The following MAF variants were observed in gnomAD, a reference collection of about 807,000 sequenced individuals.
MAF encodes the protein transcription factor Maf.
In MAF, 10 loss-of-function variants were observed where a neutral mutation model predicts 22.0. The ratio of observed to expected loss-of-function variants is 0.45; its 90% CI spans 0.28 to 0.77. The LOEUF (loss-of-function observed/expected upper bound fraction) is 0.77. Ranked by LOEUF, MAF falls within the 30% of genes least tolerant of loss-of-function variation. MAF has a pLI of 0.12. For missense variants in MAF, 544 were observed against 548.4 expected, an observed-to-expected ratio of 0.99 and a Z score of 0.08; for synonymous variants, 337 against 255.8, an observed-to-expected ratio of 1.32 and a Z score of -3.03.
chr16:79,262,149 G>A, the MAF span, among the ~76,000 whole-genome samples: 1 of 152,156 alleles, frequency 6.6e-6, no homozygotes, highest in African/African-American at 2.4e-5. Context: ...TACATATGTT[G>A]TCTGAGGTCA....
At chr16:79,535,984 A>C in the MAF span, among the ~76,000 whole-genome samples, 1 of 152,156 alleles carries the variant, frequency 6.6e-6, no homozygotes, top group Non-Finnish European at 1.5e-5. Flanking sequence ...TTTCTCCCAC[A>C]GTTGGCAGTA....
At chr16:79,533,970 T>C in the MAF span, among the ~76,000 whole-genome samples, 1 of 152,200 alleles carries the variant, frequency 6.6e-6, no homozygotes, top group Non-Finnish European at 1.5e-5. Context: ...ATTCATGCCC[T>C]CCTGTTCATG....
the MAF span, among the ~76,000 whole-genome samples, chr16:79,398,250 G>A: frequency 2.0e-5 from 3 of 152,220 alleles, no homozygotes; most frequent in East Asian, 3.9e-4. Context: ...TTGTGATTAC[G>A]CTAGGTCCAG....
chr16:79,544,128 C>T, the MAF span, among the ~76,000 whole-genome samples: 194 of 152,126 alleles, frequency 1.3e-3, 1 homozygote, highest in African/African-American at 4.1e-3. Flanking sequence ...TATGGTCAAC[C>T]GTGGGGGGGA....
chr16:79,231,261 C>T, the MAF span, among the ~76,000 whole-genome samples: 1 of 152,000 alleles, frequency 6.6e-6, no homozygotes, highest in Admixed American at 6.6e-5. Context: ...TGTTTAAGAA[C>T]CCGGGCTAGC....
the MAF span, among the ~76,000 whole-genome samples, chr16:79,373,708 T>G: frequency 3.9e-5 from 6 of 152,160 alleles, 1 homozygote; most frequent in African/African-American, 1.4e-4. Flanking sequence ...GAAGAGAGAC[T>G]TGAACTAGCA....
At chr16:79,560,104 T>C in the MAF span, among the ~76,000 whole-genome samples, 2 of 151,994 alleles carry the variant, frequency 1.3e-5, no homozygotes, top group Non-Finnish European at 2.9e-5. Context: ...AGAGATGGGG[T>C]CTTGCTACTT....
chr16:79,588,477 C>A (rs371737236), intron 1 of MAF, among the ~76,000 whole-genome samples: 3 of 151,938 alleles, frequency 2.0e-5, no homozygotes, highest in South Asian at 4.1e-4. Flanking sequence ...CTGTTTTGCC[C>A]AGGCTTGAGT....
chr16:79,532,476 CA>C, the MAF span, among the ~76,000 whole-genome samples: 1 of 152,234 alleles, frequency 6.6e-6, no homozygotes, highest in Admixed American at 6.5e-5. Context: ...TCCAATCATT[CA>C]ATCTGATAGG....
chr16:79,299,593 A>G, the MAF span, among the ~76,000 whole-genome samples: 1 of 152,038 alleles, frequency 6.6e-6, no homozygotes, highest in South Asian at 2.1e-4. Context: ...CCCCTCAACA[A>G]ATTTTGTTGC....
chr16:79,468,725 G>A, the MAF span, among the ~76,000 whole-genome samples: 1 of 152,166 alleles, frequency 6.6e-6, no homozygotes. Context: ...CAAATCCTTT[G>A]GGGTAGAGGA....
chr16:79,423,236 G>A, the MAF span, among the ~76,000 whole-genome samples: 4 of 152,174 alleles, frequency 2.6e-5, no homozygotes, highest in Non-Finnish European at 5.9e-5. Flanking sequence ...TTAACTGGGT[G>A]TCCTGTTTTT....
the MAF span, among the ~76,000 whole-genome samples, chr16:79,464,834 G>C: frequency 3.9e-5 from 6 of 152,304 alleles, no homozygotes; most frequent in East Asian, 5.8e-4. Context: ...AATATGACAA[G>C]AAAGTAAGTC....
the MAF span, among the ~76,000 whole-genome samples, chr16:79,337,346 C>T: frequency 6.6e-5 from 10 of 152,174 alleles, no homozygotes; most frequent in Admixed American, 2.0e-4. Context: ...CCGAGGCAGG[C>T]GGATCACCAG....
the MAF span, among the ~76,000 whole-genome samples, chr16:79,362,333 T>G: frequency 1.3e-5 from 2 of 152,210 alleles, no homozygotes; most frequent in East Asian, 3.8e-4. Context: ...AGTAACAGTA[T>G]TGCTCTCGCT....
At chr16:79,333,601 G>T in the MAF span, among the ~76,000 whole-genome samples, 3 of 152,212 alleles carry the variant, frequency 2.0e-5, no homozygotes, top group Non-Finnish European at 4.4e-5. Flanking sequence ...TTGATACTGA[G>T]TTACATTTTT....
At chr16:79,293,086 G>C in the MAF span, among the ~76,000 whole-genome samples, 2 of 152,192 alleles carry the variant, frequency 1.3e-5, no homozygotes, top group Non-Finnish European at 2.9e-5. Flanking sequence ...CTATGGAGTA[G>C]CCATTCTTTT....
the MAF span, among the ~76,000 whole-genome samples, chr16:79,319,463 C>T: frequency 6.6e-6 from 1 of 152,174 alleles, no homozygotes; most frequent in Non-Finnish European, 1.5e-5. Context: ...ATTAAATTAA[C>T]ACTGACCTTC....
At chr16:79,586,006 A>C (rs1567556916) in intron 1 of MAF, 2 of 640,034 alleles carry the variant, frequency 3.1e-6, no homozygotes, top group Non-Finnish European at 5.5e-6. Flanking sequence ...TGTTTCAAGA[A>C]CAGTATGCTA....
Sources: allele counts gnomAD v4.1 joint callset (sites outside exome capture counted in the v4.1 genomes callset), GRCh38; gene constraint gnomAD v4.1.1; transcripts MANE v1.5; gene names NCBI Gene and HGNC (gene_info 2026-07-23, HGNC 2026-07-21).